The following KLHL20 variants were observed in gnomAD, a reference collection of about 807,000 sequenced individuals.
KLHL20 encodes kelch like family member 20.
KLHL20 carries 29 observed loss-of-function variants against 69.5 expected under a neutral mutation model. The ratio of observed to expected loss-of-function variants is 0.42; its 90% CI spans 0.31 to 0.57. The LOEUF is 0.57. Among genes scored for constraint, KLHL20 ranks in the 20% least tolerant of loss-of-function variants. KLHL20 has a pLI of 0.18. For synonymous variants in KLHL20, 253 were observed against 265.2 expected (o/e 0.95, Z 0.45); for missense variants, 419 against 776.0 (o/e 0.54, Z 5.47).
intron 3 of KLHL20, among the ~76,000 whole-genome samples, chr1:173,745,946 G>C (rs1673040441): frequency 6.6e-6 from 1 of 151,928 alleles, no homozygotes. Flanking sequence ...CTGGGCAACA[G>C]AGTGAGACTT....
chr1:173,766,465 T>G (rs1647715462), intron 8 of KLHL20, among the ~76,000 whole-genome samples, 176 bp downstream of exon 8: 2 of 135,076 alleles, frequency 1.5e-5, no homozygotes, highest in Admixed American at 7.8e-5. Context: ...GGCAACATGG[T>G]GAGATAAAAA....
At position 173,745,170 on chromosome 1, in the gene KLHL20, C is replaced by CTTTTTTTT. The variant is rs796578983; in HGVS notation, c.598-6582_598-6575dup. The stretch of plus-strand genomic sequence containing the variant: ...TCTAACTTTTATACATTTCTTTTTT[C>CTTTTTTTT]TTTTTTTTTTTTTTTTTTTGAGACG... On this transcript the variant is annotated intron_variant, in intron 3 of 11. Transcript: ENST00000209884. Among the ~76,000 whole-genome samples, 266 of 115,484 alleles carry CTTTTTTTT rather than the reference C, an allele frequency of 2.3e-3. 1 individual carries two copies. Among genetic ancestry groups the CTTTTTTTT allele is most frequent in the East Asian group, 5.8e-3 (22 of 3,776 alleles). The allele number at this position is 115,484 out of a possible 152,430, so 75.8% of individuals were successfully genotyped here.
chr1:173,721,193 A>G (rs1274356321), intron 2 of KLHL20, among the ~76,000 whole-genome samples: 2 of 152,082 alleles, frequency 1.3e-5, no homozygotes, highest in African/African-American at 2.4e-5. Context: ...GTTTTTATTG[A>G]TAGTTTTTTA....
chr1:173,720,250 A>G (rs1423467133), intron 2 of KLHL20, among the ~76,000 whole-genome samples: 1 of 152,136 alleles, frequency 6.6e-6, no homozygotes, highest in Non-Finnish European at 1.5e-5. Context: ...TTTGAGCTAG[A>G]TCTTCTAGGA....
At chr1:173,765,848 A>G (rs777178673) in intron 7 of KLHL20, among the ~76,000 whole-genome samples, 2 of 152,158 alleles carry the variant, frequency 1.3e-5, no homozygotes, top group Non-Finnish European at 2.9e-5. Context: ...CATTTTACTG[A>G]AAAGTCTTGA....
At chr1:173,756,134 C>A in intron 6 of KLHL20, 96 bp downstream of exon 6, 3 of 820,622 alleles carry the variant, frequency 3.7e-6, no homozygotes, top group South Asian at 3.2e-5. Flanking sequence ...TATTTACTGT[C>A]ATAAGACACA....
At chr1:173,760,903 A>G (rs938876588) in intron 7 of KLHL20, among the ~76,000 whole-genome samples, 9 of 152,238 alleles carry the variant, frequency 5.9e-5, no homozygotes, top group African/African-American at 2.2e-4. Flanking sequence ...CAATACTAAC[A>G]TTGAATGTAA....
chr1:173,719,481 C>T (rs561711252), intron 2 of KLHL20, among the ~76,000 whole-genome samples: 3 of 151,974 alleles, frequency 2.0e-5, no homozygotes, highest in East Asian at 1.9e-4. Flanking sequence ...CATGGTGGTG[C>T]GTGCCTGTAG....
chr1:173,774,294 C>T lies in KLHL20; in HGVS notation c.1296-11C>T, dbSNP rs1363612247. 2 of 1,613,992 alleles carry T rather than the reference C, an allele frequency of 1.2e-6. No homozygotes were observed. Among genetic ancestry groups the T allele is most frequent in the Admixed American group, 1.7e-5 (1 of 60,018 alleles). On this transcript the variant is annotated splice_polypyrimidine_tract_variant and intron_variant, in intron 8 of 11. Coordinates refer to ENST00000209884, the MANE Select transcript of KLHL20 (RefSeq NM_014458.4). ...AAGAACAAGCATACAGTCTGGTTTC[C>T]CTCACTGCAGGTATGATCCGAAGGA...
At position 173,716,889 on chromosome 1, in the gene KLHL20, A is replaced by G. The variant is rs189737639; in HGVS notation, c.23+823A>G. On this transcript the variant is annotated intron_variant, in intron 2 of 11. Coordinates refer to ENST00000209884, the MANE Select transcript of KLHL20 (RefSeq NM_014458.4). The stretch of plus-strand genomic sequence containing the variant: ...AACCAGAATGTATATCTTTATCCAA[A>G]TCTGTTATTGGTTTATCAATTGACC... Among the ~76,000 whole-genome samples the G allele has an allele frequency of 1.2e-3, 189 of 152,258 alleles. 1 individual carries two copies. Among genetic ancestry groups the G allele is most frequent in the African/African-American group, 3.5e-3 (147 of 41,566 alleles).
At chr1:173,778,070 CTTTT>C (rs1648590736) in intron 10 of KLHL20, among the ~76,000 whole-genome samples, 1 of 151,284 alleles carries the variant, frequency 6.6e-6, no homozygotes, top group South Asian at 2.1e-4. Context: ...ATTTTTTTTT[CTTTT>C]TTTTATTATA....
At chr1:173,756,436 C>T (rs1465589341) in intron 6 of KLHL20, among the ~76,000 whole-genome samples, 1 of 151,624 alleles carries the variant, frequency 6.6e-6, no homozygotes, top group Non-Finnish European at 1.5e-5. Flanking sequence ...GAGGCTGAGA[C>T]AGGAGGATGG....
intron 2 of KLHL20, among the ~76,000 whole-genome samples, chr1:173,723,484 G>A (rs969909506): frequency 3.3e-5 from 5 of 152,206 alleles, no homozygotes; most frequent in Non-Finnish European, 7.3e-5. Context: ...CAATGCACAT[G>A]CAATTTCTTC....
chr1:173,756,972 C>G lies in KLHL20; in HGVS notation c.968-4C>G. 1 of 1,612,078 alleles carries G rather than the reference C, an allele frequency of 6.2e-7. No individual in the cohort carries two copies. Among genetic ancestry groups the G allele is most frequent in the Non-Finnish European group, 8.5e-7 (1 of 1,178,750 alleles). ...TCTCTTGACCATTTCTGTTACTTCC[C>G]CAGTTGGTGGTTGGTGCAGTGGAGA... is the stretch of plus-strand genomic sequence containing the variant. On this transcript the variant is annotated splice_polypyrimidine_tract_variant and splice_region_variant and intron_variant, in intron 6 of 11. Transcript: ENST00000209884.
At chr1:173,739,895 C>T (rs1353771743) in intron 3 of KLHL20, among the ~76,000 whole-genome samples, 6 of 151,718 alleles carry the variant, frequency 4.0e-5, no homozygotes, top group South Asian at 2.1e-4. Flanking sequence ...CCCACCTTGG[C>T]GTCCCAAAGT....
chr1:173,735,793 T>C (rs1672504231), intron 3 of KLHL20, among the ~76,000 whole-genome samples: 2 of 152,162 alleles, frequency 1.3e-5, no homozygotes, highest in Admixed American at 1.3e-4. Flanking sequence ...CATTGTGTCA[T>C]TCTTACGACT....
chr1:173,771,338 A>G (rs1239656229), intron 8 of KLHL20, among the ~76,000 whole-genome samples: 2 of 152,244 alleles, frequency 1.3e-5, no homozygotes, highest in Admixed American at 6.5e-5. Flanking sequence ...TAGGAGTTCA[A>G]GGCTGCAGTG....
chr1:173,764,549 A>G (rs113658487), intron 7 of KLHL20, among the ~76,000 whole-genome samples: 2,001 of 152,350 alleles, frequency 0.013, 51 homozygotes, highest in African/African-American at 0.046. Context: ...CAGCCATAAA[A>G]AAGGAATGAA....
intron 7 of KLHL20, among the ~76,000 whole-genome samples, chr1:173,758,502 A>T (rs941165056): frequency 1.3e-5 from 2 of 152,186 alleles, no homozygotes; most frequent in Admixed American, 6.5e-5. Context: ...CCTCTGAAGA[A>T]AGCGGACTGC....
Sources: gnomAD v4.1 joint callset for allele counts (sites outside exome capture counted in the v4.1 genomes callset) on GRCh38, gnomAD v4.1.1 for gene constraint, MANE v1.5 for transcripts, NCBI Gene and HGNC (gene_info 2026-07-23, HGNC 2026-07-21) for gene names.